The following PLXNA2 variants were observed in gnomAD, a reference collection of about 807,000 sequenced individuals.
PLXNA2 encodes the protein plexin A2.
PLXNA2 carries 91 observed loss-of-function variants against 193.5 expected under a neutral mutation model. The observed-to-expected ratio is 0.47, with a 90% CI of 0.40 to 0.56. The LOEUF (loss-of-function observed/expected upper bound fraction) is 0.56, where lower values mean the gene tolerates loss of function less well. PLXNA2 is among the 20% of genes least tolerant of loss of function. The pLI, the probability that PLXNA2 is intolerant of heterozygous loss-of-function variation, is 0.00. For synonymous variants in PLXNA2, 997 were observed against 1,027.3 expected, an observed-to-expected ratio of 0.97 and a Z score of 0.56; for missense variants, 1,995 against 2,503.2, an observed-to-expected ratio of 0.80 and a Z score of 4.33.
intron 3 of PLXNA2, among the ~76,000 whole-genome samples, chr1:208,195,428 A>G (rs1360621414): frequency 6.6e-6 from 1 of 152,084 alleles, no homozygotes; most frequent in East Asian, 1.9e-4. Context: ...CCCACCAGGC[A>G]CTGTGCTTGT....
intron 3 of PLXNA2, among the ~76,000 whole-genome samples, chr1:208,173,487 CG>C (rs1431579224): frequency 6.6e-6 from 1 of 152,180 alleles, no homozygotes; most frequent in Non-Finnish European, 1.5e-5. Flanking sequence ...CTGAGAAAAT[CG>C]GAGCTCAGAG....
rs140545357 is a variant in PLXNA2, at chr1:208,152,072, C to A, written c.1372-9609G>T. On this transcript the variant is annotated intron_variant, in intron 3 of 31. Coordinates refer to ENST00000367033, the MANE Select transcript of PLXNA2 (RefSeq NM_025179.4). ...TATTACTCTCTTTAATTAATTCATT[C>A]TTTTCTTTTCTATGGCCTGAGATTG... Among the ~76,000 whole-genome samples, 7 of 152,282 alleles carry A rather than the reference C, an allele frequency of 4.6e-5. No individual in the cohort carries two copies. In the East Asian group the frequency reaches 1.2e-3, roughly 25 times the overall value.
chr1:208,237,146 C>A (rs1305614918), intron 1 of PLXNA2, among the ~76,000 whole-genome samples: 2 of 152,334 alleles, frequency 1.3e-5, no homozygotes, highest in Non-Finnish European at 2.9e-5. Context: ...TCCTCCTAAC[C>A]TTTCTCTATT....
chr1:208,176,085 A>C (rs1174649167), intron 3 of PLXNA2, among the ~76,000 whole-genome samples: 1 of 152,234 alleles, frequency 6.6e-6, no homozygotes, highest in Non-Finnish European at 1.5e-5. Flanking sequence ...TTAAGGTCAC[A>C]ATAACTGTGA....
intron 14 of PLXNA2, among the ~76,000 whole-genome samples, chr1:208,053,828 C>T (rs1665341595): frequency 1.3e-5 from 2 of 152,184 alleles, no homozygotes; most frequent in East Asian, 1.9e-4. Flanking sequence ...ATTTGACTAC[C>T]TGTTGCCTGC....
chr1:208,170,427 G>C (rs1669458679), intron 3 of PLXNA2, among the ~76,000 whole-genome samples: 1 of 152,222 alleles, frequency 6.6e-6, no homozygotes. Flanking sequence ...GGGGAAGCAG[G>C]GGCGGGTGGA....
intron 3 of PLXNA2, among the ~76,000 whole-genome samples, chr1:208,164,414 A>G (rs1558224178): frequency 6.6e-6 from 1 of 152,218 alleles, no homozygotes; most frequent in Non-Finnish European, 1.5e-5. Context: ...GTAAGAGCAG[A>G]GGTGAGCCTT....
At chr1:208,132,668 T>G (rs1036518242) in intron 4 of PLXNA2, among the ~76,000 whole-genome samples, 1 of 152,148 alleles carries the variant, frequency 6.6e-6, no homozygotes, top group Admixed American at 6.5e-5. Context: ...GTTAAGCTTT[T>G]TTTAGGTGTG....
chr1:208,041,633 A>T (rs1664873666), intron 22 of PLXNA2, among the ~76,000 whole-genome samples: 1 of 152,216 alleles, frequency 6.6e-6, no homozygotes, highest in Admixed American at 6.5e-5. Context: ...AGGGCAATGG[A>T]GGAGCTGGAT....
Position 208,082,464 on chromosome 1 carries a change from G to A in PLXNA2, c.2343C>T (p.Phe781=), listed in dbSNP as rs767419778. The A allele has an allele frequency of 8.7e-6, 14 of 1,613,964 alleles. No homozygotes were observed. The highest frequency in any genetic ancestry group is 3.3e-5 in the South Asian group (3 of 91,080). Residue 781 remains phenylalanine, a synonymous_variant, in exon 11 of 32, where the codon TTC becomes TTT. Coordinates refer to ENST00000367033, the MANE Select transcript of PLXNA2 (RefSeq NM_025179.4). The surrounding 1 kb of genome is among the most constrained non-coding windows in gnomAD (Gnocchi z 4.2). The stretch of plus-strand genomic sequence containing the variant: ...TGAAATTGCCGTTCCACACCACAGC[G>A]AAATCCACGGCCAGATTGCTGATGT... The part of the protein sequence containing the change: ...GMDISNLAVD[F]AVVWNGNFII...
intron 28 of PLXNA2, among the ~76,000 whole-genome samples, chr1:208,032,926 A>G (rs1052966837): frequency 6.6e-6 from 1 of 152,248 alleles, no homozygotes; most frequent in Non-Finnish European, 1.5e-5. Flanking sequence ...CTCAAGAAGT[A>G]CGCAGAAAGC....
chr1:208,101,589 C>T (rs967104657), intron 5 of PLXNA2, among the ~76,000 whole-genome samples: 6 of 152,196 alleles, frequency 3.9e-5, no homozygotes, highest in Admixed American at 1.3e-4. Context: ...CCAGCAGTCA[C>T]GGCTGACCTG....
At chr1:208,214,492 A>G (rs748004446) in intron 2 of PLXNA2, among the ~76,000 whole-genome samples, 15 of 152,208 alleles carry the variant, frequency 9.9e-5, no homozygotes, top group Non-Finnish European at 2.2e-4. Context: ...CACCAAGCAA[A>G]TGATGACAGG....
At chr1:208,173,630 A>G (rs531024171) in intron 3 of PLXNA2, among the ~76,000 whole-genome samples, 2 of 152,344 alleles carry the variant, frequency 1.3e-5, no homozygotes, top group African/African-American at 4.8e-5. Flanking sequence ...CCAAGCTGTC[A>G]TATCTGTCCA....
intron 1 of PLXNA2, among the ~76,000 whole-genome samples, chr1:208,233,900 G>T (rs888975779): frequency 1.3e-5 from 2 of 152,148 alleles, no homozygotes; most frequent in African/African-American, 4.8e-5. Flanking sequence ...TAAAAGGGGG[G>T]GTCTTTTGAC....
intron 22 of PLXNA2, chr1:208,040,348 T>G: frequency 2.3e-6 from 1 of 428,514 alleles, no homozygotes. Flanking sequence ...ACAGGGTCTG[T>G]GGATAAAGGC....
rs1346157849 is a variant in PLXNA2, at chr1:208,026,717, C to T, written c.*526G>A. On this transcript the variant is annotated 3_prime_UTR_variant, in exon 32 of 32. Transcript: ENST00000367033. ...TCATTTTCTCTCCAATGTCTCTCAG[C>T]ATCTCTGCTTTCTCTGGCATTTGGA... 1 of 150,618 alleles carries T rather than the reference C, an allele frequency of 6.6e-6. No homozygotes were observed. Among genetic ancestry groups the T allele is most frequent in the Non-Finnish European group, 1.5e-5 (1 of 67,846 alleles). 9.3% of individuals were successfully genotyped at this position (150,618 alleles called of 1,614,324 possible). A position where few individuals can be genotyped will look rare whatever the true frequency, so the allele number is the denominator to read the frequency against.
chr1:208,151,754 A>G (rs969780061), intron 3 of PLXNA2, among the ~76,000 whole-genome samples: 29 of 152,354 alleles, frequency 1.9e-4, no homozygotes, highest in South Asian at 2.1e-4. Context: ...TTAAGTGTCT[A>G]TTGCAGGATC....
intron 9 of PLXNA2, among the ~76,000 whole-genome samples, chr1:208,086,996 A>T (rs3118514): frequency 0.71 from 93,149 of 130,322 alleles, 30,035 homozygotes; most frequent in Admixed American, 0.77. Flanking sequence ...TGTGTGAGAG[A>T]GAGAGAGAGA....
Sources: allele counts gnomAD v4.1 joint callset (sites outside exome capture counted in the v4.1 genomes callset), GRCh38; gene constraint gnomAD v4.1.1; non-coding constraint Gnocchi (gnomAD v3.1); transcripts MANE v1.5; gene names NCBI Gene and HGNC (gene_info 2026-07-23, HGNC 2026-07-21).